Variants in ARFGEF2 observed in about 807,000 individuals in gnomAD.
ARFGEF2 encodes brefeldin A-inhibited guanine nucleotide-exchange protein 2.
A neutral mutation model predicts 219.9 loss-of-function variants in ARFGEF2; 74 were observed. The observed-to-expected ratio is 0.34, with a 90% CI of 0.28 to 0.41. The LOEUF (loss-of-function observed/expected upper bound fraction) is 0.41, where lower values mean the gene tolerates loss of function less well. ARFGEF2 is among the 10% of genes least tolerant of loss of function. The pLI, the probability that ARFGEF2 is intolerant of heterozygous loss-of-function variation, is 1.00. For missense variants in ARFGEF2, 1,743 were observed against 2,218.3 expected (o/e 0.79, Z 4.30); for synonymous variants, 733 against 799.2 (o/e 0.92, Z 1.40).
intron 35 of ARFGEF2, among the ~76,000 whole-genome samples, chr20:49,023,688 G>A (rs1007974460): frequency 4.0e-5 from 6 of 151,436 alleles, no homozygotes; most frequent in Non-Finnish European, 8.8e-5. Flanking sequence ...ACAGGCGCCC[G>A]CTACCACGCC....
chr20:49,028,511 A>C lies in ARFGEF2; in HGVS notation c.4925-19A>C. Reference sequence around the variant, plus strand: ...TATCTTAGAAATGTGCACTAATTATATGACTGTCTGATCTCTAGGTTTTAA... The same window carrying C: ...TATCTTAGAAATGTGCACTAATTATCTGACTGTCTGATCTCTAGGTTTTAA... On this transcript the variant is annotated intron_variant, in intron 36 of 38. Coordinates refer to ENST00000371917, the MANE Select transcript of ARFGEF2 (RefSeq NM_006420.3). 6.2e-7 allele frequency: 1 copy of C among 1,613,060 alleles called. No individual in the cohort carries two copies. The highest frequency in any genetic ancestry group is 1.3e-5 in the African/African-American group (1 of 75,028).
intron 6 of ARFGEF2, among the ~76,000 whole-genome samples, chr20:48,959,005 G>GT (rs1019096322): frequency 6.6e-6 from 1 of 152,150 alleles, no homozygotes; most frequent in African/African-American, 2.4e-5. Flanking sequence ...ACATAGTTGG[G>GT]TTTTTTAAAT....
intron 25 of ARFGEF2, among the ~76,000 whole-genome samples, chr20:48,999,977 G>C (rs533761846): frequency 6.6e-6 from 1 of 152,238 alleles, no homozygotes; most frequent in Admixed American, 6.5e-5. Context: ...ATCTTAAAAA[G>C]TAGTCTACCA....
chr20:49,005,243 ACGCTTGGT>A, intron 26 of ARFGEF2, 22 bp downstream of exon 26: 1 of 1,613,876 alleles, frequency 6.2e-7, no homozygotes, highest in Non-Finnish European at 8.5e-7. Flanking sequence ...GCTCTGGAAG[ACGCTTGGT>A]CAAATTCCCC....
At chr20:49,017,188 G>C (rs112119331) in intron 31 of ARFGEF2, 61 bp from the exon 32 acceptor site, 56 of 1,563,534 alleles carry the variant, frequency 3.6e-5, no homozygotes, top group Non-Finnish European at 4.2e-5. Flanking sequence ...CAGTATTTGA[G>C]ACCTGGTTGG....
intron 37 of ARFGEF2, among the ~76,000 whole-genome samples, chr20:49,031,520 C>T (rs1030912332): frequency 3.3e-5 from 5 of 152,132 alleles, no homozygotes; most frequent in African/African-American, 4.8e-5. Flanking sequence ...TGAGTCACTG[C>T]ACCTGGCCAG....
chr20:48,965,304 C>T (rs529616212), intron 7 of ARFGEF2, among the ~76,000 whole-genome samples: 1 of 152,242 alleles, frequency 6.6e-6, no homozygotes, highest in African/African-American at 2.4e-5. Context: ...TGTTTCATGT[C>T]CCTTTATAGA....
At chr20:48,952,615 A>G in intron 4 of ARFGEF2, 90 bp from the exon 5 acceptor site, 1 of 1,343,294 alleles carries the variant, frequency 7.4e-7, no homozygotes, top group East Asian at 2.3e-5. Flanking sequence ...AAAGAAAAAC[A>G]AAACCAGACC....
At chr20:48,963,485 G>T (rs986845823) in intron 6 of ARFGEF2, among the ~76,000 whole-genome samples, 5 of 152,168 alleles carry the variant, frequency 3.3e-5, no homozygotes, top group Non-Finnish European at 5.9e-5. Flanking sequence ...CATTTGTTCT[G>T]CCAGGAACTC....
At chr20:49,032,228 C>T in intron 38 of ARFGEF2, 62 bp downstream of exon 38, 1 of 1,206,060 alleles carries the variant, frequency 8.3e-7, no homozygotes, top group South Asian at 1.2e-5. Flanking sequence ...TGGCTTTTTA[C>T]TCAAGAGTTT....
rs565192370 is a variant in ARFGEF2 at position 48,958,541 on chromosome 20, A to C, written c.838+4751A>C. Among the ~76,000 whole-genome samples the C allele has an allele frequency of 1.9e-3, 291 of 150,660 alleles. 1 individual carries two copies. The highest frequency in any genetic ancestry group is 6.8e-3 in the African/African-American group (278 of 41,000). On this transcript the variant is annotated intron_variant, in intron 6 of 38. Transcript: ENST00000371917. ...AAGCTCCGCCTCCTGGGTTCACGCCATTCTCCTGCCTCAGCCTCCCGAGTA... is the reference window on the plus strand; with the variant it reads ...AAGCTCCGCCTCCTGGGTTCACGCCCTTCTCCTGCCTCAGCCTCCCGAGTA...
At chr20:48,927,543 C>T (rs2090885479) in intron 1 of ARFGEF2, among the ~76,000 whole-genome samples, 1 of 151,996 alleles carries the variant, frequency 6.6e-6, no homozygotes, top group African/African-American at 2.4e-5. Flanking sequence ...CAAAAATTAG[C>T]TGGGCGTGGT....
In ARFGEF2 at chr20:48,996,633, A is replaced by C. The variant is rs542815844; in HGVS notation, c.3221+751A>C. ...GTGACGCATGCCAGTAATCCCAGCT[A>C]CTCGGGAGGCTGAGGCAGGGGAATA... On this transcript the variant is annotated intron_variant, in intron 23 of 38. Transcript: ENST00000371917. Among the ~76,000 whole-genome samples, 3 of 151,386 alleles carry C rather than the reference A, an allele frequency of 2.0e-5. No homozygotes were observed. In the East Asian group the frequency reaches 5.8e-4, roughly 29 times the overall value.
At chr20:49,024,183 G>T (rs1292676722) in intron 35 of ARFGEF2, among the ~76,000 whole-genome samples, 1 of 151,958 alleles carries the variant, frequency 6.6e-6, no homozygotes, top group Non-Finnish European at 1.5e-5. Context: ...ATGTTGCCCA[G>T]CCTGGTCTCA....
At chr20:48,996,557 T>A (rs2123477315) in intron 23 of ARFGEF2, among the ~76,000 whole-genome samples, 1 of 151,390 alleles carries the variant, frequency 6.6e-6, no homozygotes, top group East Asian at 1.9e-4. Flanking sequence ...GCCAACATGG[T>A]GAAACCATGT....
At chr20:48,958,762 A>G (rs1466894743) in intron 6 of ARFGEF2, among the ~76,000 whole-genome samples, 1 of 152,054 alleles carries the variant, frequency 6.6e-6, no homozygotes, top group Non-Finnish European at 1.5e-5. Flanking sequence ...TTCTTAAAAC[A>G]CCCTGCCCAG....
chr20:48,981,243 T>C (rs997920497), intron 14 of ARFGEF2, among the ~76,000 whole-genome samples: 1 of 152,218 alleles, frequency 6.6e-6, no homozygotes, highest in African/African-American at 2.4e-5. Context: ...CTTATGAAGT[T>C]TAGTTTGGCT....
intron 1 of ARFGEF2, among the ~76,000 whole-genome samples, chr20:48,935,350 C>T (rs1164052911): frequency 1.3e-5 from 2 of 152,024 alleles, no homozygotes; most frequent in Admixed American, 1.3e-4. Flanking sequence ...CTTGCACCGC[C>T]CTTAATCCAT....
In ARFGEF2 at chr20:48,941,866, T is replaced by C. The variant is rs1202119114; in HGVS notation, c.155T>C (p.Leu52Pro). ...ACCCTCTCTTGCTTTTCTCCTAGGC[T>C]TGGCACTGCTGCACCACCAAAGGCA... ...EIKAEIEKQR[L>P]GTAAPPKANF... is the part of the protein sequence containing the mutation. Residue 52 changes from leucine (L) to proline (P), a missense_variant and splice_region_variant, in exon 3 of 39, where the codon CTT becomes CCT. Physicochemically the swap from Leu to Pro is moderately conservative, Grantham distance 98. Around this residue, in one of 5 missense-constraint regions of ARFGEF2, gnomAD observed 394 missense variants for 426.6 expected, o/e 0.92. Transcript: ENST00000371917. The C allele has an allele frequency of 6.2e-7, 1 of 1,614,238 alleles. No individual in the cohort carries two copies. The highest frequency in any genetic ancestry group is 8.5e-7 in the Non-Finnish European group (1 of 1,180,036).
Sources: gnomAD v4.1 joint callset for allele counts (sites outside exome capture counted in the v4.1 genomes callset) on GRCh38, gnomAD v4.1.1 for gene constraint, gnomAD v4.1.1 regional missense constraint, MANE v1.5 for transcripts, NCBI Gene and HGNC (gene_info 2026-07-23, HGNC 2026-07-21) for gene names.